ZNF385D: variants seen among roughly 807,000 people sequenced by gnomAD.
ZNF385D encodes the protein zinc finger protein 385D, also known as zinc finger protein 659.
ZNF385D carries 15 observed loss-of-function variants against 35.8 expected under a neutral mutation model. The observed-to-expected ratio is 0.42, with a 90% CI of 0.28 to 0.64. The LOEUF (loss-of-function observed/expected upper bound fraction) is 0.64, where lower values mean the gene tolerates loss of function less well. ZNF385D is among the 30% of genes least tolerant of loss of function. The pLI, the probability that ZNF385D is intolerant of heterozygous loss-of-function variation, is 0.23. For synonymous variants in ZNF385D, 212 were observed against 186.8 expected (o/e 1.13, Z -1.10); for missense variants, 474 against 494.6 (o/e 0.96, Z 0.39).
chr3:22,191,854 G>A (rs1696054517), intron 2 of ZNF385D, among the ~76,000 whole-genome samples: 2 of 152,204 alleles, frequency 1.3e-5, no homozygotes, highest in Non-Finnish European at 2.9e-5. Context: ...CAAGGAGAAT[G>A]TATCAATATT....
In ZNF385D at chr3:21,437,132, T is replaced by C. The variant is rs1467627289; in HGVS notation, c.511A>G (p.Thr171Ala). 6.2e-7 allele frequency: 1 copy of C among 1,613,864 alleles called. No individual in the cohort carries two copies. Among genetic ancestry groups the C allele is most frequent in the Non-Finnish European group, 8.5e-7 (1 of 1,179,914 alleles). The change falls in exon 5 of 8, where the codon ACT becomes GCT. Residue 171 changes from threonine to alanine, a missense_variant. Thr to Ala is a moderately conservative substitution (Grantham distance 58). Transcript: ENST00000281523. Reference protein sequence around the residue: ...VEIRKSSVMTTEITSKVEKSP... With the variant: ...VEIRKSSVMTAEITSKVEKSP... ...TTTTCCACTTTAGAGGTGATCTCAG[T>C]TGTCATAACACTGCTTTTGCGGATT...
chr3:21,595,430 T>C (rs2064101193), intron 2 of ZNF385D, among the ~76,000 whole-genome samples: 2 of 149,976 alleles, frequency 1.3e-5, no homozygotes, highest in Non-Finnish European at 1.5e-5. Context: ...TTTATATATG[T>C]AGTATATGTA....
chr3:21,445,042 T>C (rs1255559807), intron 4 of ZNF385D, among the ~76,000 whole-genome samples: 1 of 152,186 alleles, frequency 6.6e-6, no homozygotes, highest in Non-Finnish European at 1.5e-5. Flanking sequence ...CACAGAGTCT[T>C]GACACGAATT....
At chr3:21,466,035 T>TATCACCCTAC (rs1308610937) in intron 4 of ZNF385D, among the ~76,000 whole-genome samples, 10 of 152,322 alleles carry the variant, frequency 6.6e-5, no homozygotes, top group African/African-American at 2.4e-4. Context: ...CCCTACCACC[T>TATCACCCTAC]GGAATGCACC....
intron 1 of ZNF385D, among the ~76,000 whole-genome samples, chr3:21,731,397 G>C (rs911808253): frequency 6.6e-5 from 10 of 152,092 alleles, no homozygotes; most frequent in Admixed American, 3.9e-4. Flanking sequence ...TAAGCACAGA[G>C]TTCTCATATA....
At chr3:22,107,375 A>T (rs936796198) in intron 3 of ZNF385D, among the ~76,000 whole-genome samples, 7 of 152,052 alleles carry the variant, frequency 4.6e-5, no homozygotes, top group Admixed American at 3.3e-4. Flanking sequence ...AATTATGTTA[A>T]ATTTTCTAGA....
chr3:22,334,888 T>C (rs1695095183), intron 2 of ZNF385D, among the ~76,000 whole-genome samples: 1 of 152,278 alleles, frequency 6.6e-6, no homozygotes, highest in Non-Finnish European at 1.5e-5. Flanking sequence ...TCTTCAAATA[T>C]TACTTCTTGG....
At chr3:22,095,338 T>C (rs1701560448) in intron 3 of ZNF385D, among the ~76,000 whole-genome samples, 1 of 152,054 alleles carries the variant, frequency 6.6e-6, no homozygotes, top group African/African-American at 2.4e-5. Context: ...CATCTATTTC[T>C]TTATCACAGG....
At chr3:21,835,493 C>A in intron 3 of ZNF385D, among the ~76,000 whole-genome samples, 1 of 147,152 alleles carries the variant, frequency 6.8e-6, no homozygotes, top group African/African-American at 2.5e-5. Context: ...ACATGTGATT[C>A]ACAGGGTGGA....
At chr3:22,102,386 G>C (rs1701983928) in intron 3 of ZNF385D, among the ~76,000 whole-genome samples, 1 of 152,176 alleles carries the variant, frequency 6.6e-6, no homozygotes, top group South Asian at 2.1e-4. Context: ...TGCTTAGATA[G>C]TAAGAGTTAA....
chr3:21,547,750 G>A (rs1315941387), intron 3 of ZNF385D, among the ~76,000 whole-genome samples: 2 of 151,842 alleles, frequency 1.3e-5, no homozygotes, highest in Admixed American at 1.3e-4. Flanking sequence ...CCGAGTAGCT[G>A]GGACTACAGG....
rs577240764 is a variant in ZNF385D, at chr3:21,747,987, A to G, written c.22+2908T>C. On this transcript the variant is annotated intron_variant, in intron 1 of 7. Coordinates refer to ENST00000281523, the MANE Select transcript of ZNF385D (RefSeq NM_024697.3). The stretch of plus-strand genomic sequence containing the variant: ...AATCCCACTCAGGTTGCTGACTGAG[A>G]TTTTCCCTGCTTCCTTCTCCCATGT... 8.8e-4 allele frequency among the ~76,000 whole-genome samples: 134 copies of G among 152,134 alleles called. 3 individuals carry two copies. In the South Asian group the frequency reaches 0.027, roughly 31 times the overall value.
chr3:21,884,608 G>T (rs9881684), intron 3 of ZNF385D, among the ~76,000 whole-genome samples: 2,620 of 152,044 alleles, frequency 0.017, 78 homozygotes, highest in African/African-American at 0.059. Flanking sequence ...TAAAAACACA[G>T]GCAATAAATG....
chr3:22,175,801 G>C (rs1694789044), intron 2 of ZNF385D, among the ~76,000 whole-genome samples: 1 of 150,436 alleles, frequency 6.6e-6, no homozygotes, highest in Non-Finnish European at 1.5e-5. Flanking sequence ...ATCATATTTG[G>C]AATACATATA....
chr3:21,841,324 A>G (rs1406179357), intron 3 of ZNF385D, among the ~76,000 whole-genome samples: 1 of 152,050 alleles, frequency 6.6e-6, no homozygotes, highest in African/African-American at 2.4e-5. Flanking sequence ...AGGTTTTTCT[A>G]CTACAGTGTT....
intron 3 of ZNF385D, among the ~76,000 whole-genome samples, chr3:21,801,687 G>A (rs930817815): frequency 2.0e-5 from 3 of 152,112 alleles, no homozygotes; most frequent in Non-Finnish European, 4.4e-5. Context: ...CAGCTGATAT[G>A]GCTTAGGGAA....
At chr3:22,096,336 A>T (rs200013291) in intron 3 of ZNF385D, among the ~76,000 whole-genome samples, 1 of 141,888 alleles carries the variant, frequency 7.0e-6, no homozygotes, top group Non-Finnish European at 1.6e-5. Context: ...CTATTTTTTT[A>T]AATAAATAAA....
At chr3:22,209,201 A>G (rs1468452272) in intron 2 of ZNF385D, among the ~76,000 whole-genome samples, 2 of 151,966 alleles carry the variant, frequency 1.3e-5, no homozygotes, top group Admixed American at 6.6e-5. Flanking sequence ...AAAAGAGAGC[A>G]GATATGACAC....
chr3:21,516,229 T>TA (rs1707555462), intron 3 of ZNF385D, among the ~76,000 whole-genome samples: 1 of 152,242 alleles, frequency 6.6e-6, no homozygotes, highest in African/African-American at 2.4e-5. Context: ...TCCAGCCTTA[T>TA]GTTAATTAAA....
Sources: allele counts gnomAD v4.1 joint callset (sites outside exome capture counted in the v4.1 genomes callset), GRCh38; gene constraint gnomAD v4.1.1; transcripts MANE v1.5; gene names NCBI Gene and HGNC (gene_info 2026-07-23, HGNC 2026-07-21).